Variants in TNFRSF18 observed in about 807,000 individuals in gnomAD.
TNFRSF18 encodes tumor necrosis factor receptor superfamily member 18.
In TNFRSF18, 36 loss-of-function variants were observed where a neutral mutation model predicts 30.2. The ratio of observed to expected loss-of-function variants is 1.19; its 90% CI spans 0.91 to 1.58. The LOEUF is 1.58. Ranked by LOEUF, TNFRSF18 falls within the 40% of genes most tolerant of loss-of-function variation. TNFRSF18 has a pLI of 0.00. For missense variants in TNFRSF18, 369 were observed against 345.4 expected (o/e 1.07, Z -0.54); for synonymous variants, 173 against 158.3 (o/e 1.09, Z -0.70).
chr1:1,205,497 G>T lies in TNFRSF18; in HGVS notation c.188-5C>A, dbSNP rs1225073864. On this transcript the variant is annotated splice_polypyrimidine_tract_variant and splice_region_variant and intron_variant, in intron 1 of 4. Coordinates refer to ENST00000379268, the MANE Select transcript of TNFRSF18 (RefSeq NM_004195.3). ...ACTCGGAACAGCACTCCTCGCCTGG[G>T]CAGGAGACAGGCCAGCCCCCCAGCA... is the stretch of plus-strand genomic sequence containing the variant. The T allele has an allele frequency of 1.2e-6, 2 of 1,610,226 alleles. No individual in the cohort carries two copies. Among genetic ancestry groups the T allele is most frequent in the Admixed American group, 3.3e-5 (2 of 59,824 alleles).
At chr1:1,204,691 GCCCAGTGAGGGCAC>G (rs1487499225) in intron 2 of TNFRSF18, among the ~76,000 whole-genome samples, 2 of 152,198 alleles carry the variant, frequency 1.3e-5, no homozygotes. Flanking sequence ...CTGGGGTGGG[GCCCAGTGAGGGCAC>G]CTGGGGGAGG....
intron 1 of TNFRSF18, 87 bp from the exon 2 acceptor site, chr1:1,205,579 G>A (rs1255427680): frequency 6.9e-7 from 1 of 1,453,640 alleles, no homozygotes; most frequent in African/African-American, 1.4e-5. Context: ...GGGGAGTGAG[G>A]TTGTCCGTTC....
At position 1,206,530 on chromosome 1, in the gene TNFRSF18, G is replaced by A. The variant is rs764403514; in HGVS notation, c.42C>T (p.Cys14=). The change falls in exon 1 of 5, where the codon TGC becomes TGT. Residue 14 remains cysteine, a synonymous_variant. Transcript: ENST00000379268. ...HGAMGAFRAL[C]GLALLCALSL... ...TGAGCGCGCACAGCAGCGCCAGGCCGCACAGGGCCCGAAACGCGCCCATCG... is the reference window on the plus strand; with the variant it reads ...TGAGCGCGCACAGCAGCGCCAGGCCACACAGGGCCCGAAACGCGCCCATCG... The A allele has an allele frequency of 5.1e-5, 78 of 1,531,534 alleles. No homozygotes were observed. The highest frequency in any genetic ancestry group is 8.4e-5 in the Admixed American group (4 of 47,512). The allele number at this position is 1,531,534 out of a possible 1,614,324, so 94.9% of individuals were successfully genotyped here.
intron 2 of TNFRSF18, among the ~76,000 whole-genome samples, chr1:1,204,946 G>A (rs1648741941): frequency 6.6e-6 from 1 of 152,172 alleles, no homozygotes; most frequent in Admixed American, 6.5e-5. Flanking sequence ...GACCTCTCCT[G>A]TCAGGTAAAC....
rs753579304 is a variant in TNFRSF18, at chr1:1,203,673, G to A, written c.*171C>T. The A allele has an allele frequency of 1.7e-5, 27 of 1,547,012 alleles. No homozygotes were observed. The highest frequency in any genetic ancestry group is 2.2e-5 in the Non-Finnish European group (25 of 1,154,238). On this transcript the variant is annotated 3_prime_UTR_variant, in exon 5 of 5. Transcript: ENST00000379268. ...TCTCTCCCTCCTGCAGGGCCCAGCC[G>A]CGGCCGCCGAACTGCATGGTCCAGG... is the stretch of plus-strand genomic sequence containing the variant.
chr1:1,203,806 G>A lies in TNFRSF18; in HGVS notation c.*38C>T. ...GCGGCCTGGGGAGCTCCTGGGGAGGGGCTGGCTGCGGTCGGTGGCCCCGGA... is the reference window on the plus strand; with the variant it reads ...GCGGCCTGGGGAGCTCCTGGGGAGGAGCTGGCTGCGGTCGGTGGCCCCGGA... On this transcript the variant is annotated 3_prime_UTR_variant, in exon 5 of 5. Coordinates refer to ENST00000379268, the MANE Select transcript of TNFRSF18 (RefSeq NM_004195.3). 6.3e-7 allele frequency: 1 copy of A among 1,574,942 alleles called. No homozygotes were observed. Among genetic ancestry groups the A allele is most frequent in the African/African-American group, 1.3e-5 (1 of 74,546 alleles).
At position 1,203,883 on chromosome 1, in the gene TNFRSF18, C is replaced by G. The variant is rs375536617; in HGVS notation, c.687G>C (p.Ser229=). The change falls in exon 5 of 5, where the codon TCG becomes TCC. Residue 229 remains serine, a synonymous_variant. Transcript: ENST00000379268. ...CTCCCAGCCGCCCCTTCTCCTCTGC[C>G]GATCGCTCGCCCCGCTCTTCCTCGG... ...QFPEEERGER[S]AEEKGRLGDL... 11 of 1,603,864 alleles carry G rather than the reference C, an allele frequency of 6.9e-6. No individual in the cohort carries two copies. The highest frequency in any genetic ancestry group is 9.3e-6 in the Non-Finnish European group (11 of 1,178,550).
rs1648632839 is a variant in TNFRSF18 at position 1,203,513 on chromosome 1, G to A, written c.*331C>T. Reference sequence around the variant, plus strand: ...CCAGCATGCATCCACTCAGGTCACTGGACAAGTGTTTATTGAAGGTCCCCT... The same window carrying A: ...CCAGCATGCATCCACTCAGGTCACTAGACAAGTGTTTATTGAAGGTCCCCT... On this transcript the variant is annotated 3_prime_UTR_variant, in exon 5 of 5. Transcript: ENST00000379268. The A allele has an allele frequency of 1.4e-6, 2 of 1,411,090 alleles. No individual in the cohort carries two copies. Among genetic ancestry groups the A allele is most frequent in the Non-Finnish European group, 1.8e-6 (2 of 1,085,400 alleles). 87.4% of individuals were successfully genotyped at this position (1,411,090 alleles called of 1,614,324 possible).
In TNFRSF18 at chr1:1,203,639, C is replaced by A; in HGVS notation, c.*205G>T. 1 of 1,546,884 alleles carries A rather than the reference C, an allele frequency of 6.5e-7. No individual in the cohort carries two copies. Among genetic ancestry groups the A allele is most frequent in the African/African-American group, 1.4e-5 (1 of 73,574 alleles). ...CAGCAAGGGAGGAAGGGGGCCATGA[C>A]TGTGTCTCTCTCTCCCTCCTGCAGG... is the stretch of plus-strand genomic sequence containing the variant. On this transcript the variant is annotated 3_prime_UTR_variant, in exon 5 of 5. Transcript: ENST00000379268.
Position 1,206,446 on chromosome 1 carries a change from C to G in TNFRSF18, c.126G>C (p.Gly42=). ...GGCAGCAGCGCGCGTCCGTTCCCGT[C>G]CCAAGCAGGAGGCGCCCAGGGCCGC... ...PGCGPGRLLL[G]TGTDARCCRV... Residue 42 remains glycine (G), a synonymous_variant, in exon 1 of 5, where the codon GGG becomes GGC. Coordinates refer to ENST00000379268, the MANE Select transcript of TNFRSF18 (RefSeq NM_004195.3). 1 of 1,547,624 alleles carries G rather than the reference C, an allele frequency of 6.5e-7. No homozygotes were observed. The highest frequency in any genetic ancestry group is 8.7e-7 in the Non-Finnish European group (1 of 1,146,266).
intron 1 of TNFRSF18, among the ~76,000 whole-genome samples, chr1:1,205,837 G>A (rs897066206): frequency 3.9e-5 from 6 of 152,210 alleles, no homozygotes; most frequent in Non-Finnish European, 2.9e-5. Context: ...CGCCTGCCTG[G>A]TGTCTGGGCG....
rs1648649523 is a variant in TNFRSF18, at chr1:1,203,750, G to A, written c.*94C>T. The A allele has an allele frequency of 9.6e-6, 15 of 1,560,264 alleles. No homozygotes were observed. The highest frequency in any genetic ancestry group is 1.3e-5 in the Non-Finnish European group (15 of 1,158,848). On this transcript the variant is annotated 3_prime_UTR_variant, in exon 5 of 5. Transcript: ENST00000379268. The stretch of plus-strand genomic sequence containing the variant: ...CCCACTTCTGCTGCCAGGGGAGCAG[G>A]GCCCGGCCCAGAGCAGAACGCAGAG...
chr1:1,205,261 C>T (rs1028640408), intron 2 of TNFRSF18, 109 bp downstream of exon 2: 3 of 1,509,040 alleles, frequency 2.0e-6, no homozygotes, highest in Non-Finnish European at 2.7e-6. Flanking sequence ...GGACTCCGGA[C>T]CCCACACACC....
At position 1,205,357 on chromosome 1, in the gene TNFRSF18, C is replaced by T. The variant is rs939340549; in HGVS notation, c.310+13G>A. On this transcript the variant is annotated intron_variant, in intron 2 of 4. Transcript: ENST00000379268. The stretch of plus-strand genomic sequence containing the variant: ...GGCCTGTGTGGACTCCCAGAGGCAC[C>T]TCCAGGACTTACCCTGGGACTGTAC... 8.1e-6 allele frequency: 13 copies of T among 1,609,574 alleles called. No homozygotes were observed. Among genetic ancestry groups the T allele is most frequent in the African/African-American group, 1.3e-5 (1 of 74,968 alleles).
At chr1:1,204,707 T>C (rs1648728977) in intron 2 of TNFRSF18, among the ~76,000 whole-genome samples, 1 of 151,932 alleles carries the variant, frequency 6.6e-6, no homozygotes, top group Admixed American at 6.5e-5. Flanking sequence ...TGAGGGCACC[T>C]GGGGGAGGTG....
In TNFRSF18 at chr1:1,206,455, G is replaced by A; in HGVS notation, c.117C>T (p.Leu39=). 6.5e-7 allele frequency: 1 copy of A among 1,547,284 alleles called. No individual in the cohort carries two copies. Among genetic ancestry groups the A allele is most frequent in the East Asian group, 2.4e-5 (1 of 40,826 alleles). ...GCGCGTCCGTTCCCGTCCCAAGCAG[G>A]AGGCGCCCAGGGCCGCACCCGGGAC... is the stretch of plus-strand genomic sequence containing the variant. ...TGGPGCGPGR[L]LLGTGTDARC... The change falls in exon 1 of 5, where the codon CTC becomes CTT. Residue 39 remains leucine, a synonymous_variant. Transcript: ENST00000379268.
chr1:1,204,315 G>T (rs776431479), intron 3 of TNFRSF18, 79 bp from the exon 4 acceptor site: 1 of 1,593,290 alleles, frequency 6.3e-7, no homozygotes, highest in East Asian at 2.3e-5. Flanking sequence ...CCTCCGTGCT[G>T]TCTGGGGCAA....
rs764004401 is a variant in TNFRSF18 at position 1,204,131 on chromosome 1, G to A, written c.504C>T (p.Val168=). The change falls in exon 4 of 5, where the codon GTC becomes GTT. Residue 168 remains valine (V), a synonymous_variant. Transcript: ENST00000379268. ...CGCAGGCGGCCACGGCCAGGAGGAC[G>A]ACGGTCAGCCACCCAAGCGGCTCTG... is the stretch of plus-strand genomic sequence containing the variant. ...PPAEPLGWLT[V]VLLAVAACVL... is the part of the protein sequence containing the mutation. 49 of 1,611,638 alleles carry A rather than the reference G, an allele frequency of 3.0e-5. No homozygotes were observed. Among genetic ancestry groups the A allele is most frequent in the Non-Finnish European group, 3.6e-5 (43 of 1,179,570 alleles).
rs549622704 is a variant in TNFRSF18, at chr1:1,205,740, T to C, written c.188-248A>G. The C allele has an allele frequency of 3.1e-4, 159 of 515,876 alleles. 1 individual carries two copies. In the South Asian group the frequency reaches 3.4e-3, roughly 11 times the overall value. The allele number at this position is 515,876 out of a possible 1,614,324, so 32.0% of individuals were successfully genotyped here. A position where few individuals can be genotyped will look rare whatever the true frequency, so the allele number is the denominator to read the frequency against. On this transcript the variant is annotated intron_variant, in intron 1 of 4. Coordinates refer to ENST00000379268, the MANE Select transcript of TNFRSF18 (RefSeq NM_004195.3). ...TGCCCCTGCCCAGGTGCTAACTCCA[T>C]ATGCAACCAGGAGCTGCCCCTGCAG...
Sources: allele counts gnomAD v4.1 joint callset (sites outside exome capture counted in the v4.1 genomes callset), GRCh38; gene constraint gnomAD v4.1.1; transcripts MANE v1.5; gene names NCBI Gene and HGNC (gene_info 2026-07-23, HGNC 2026-07-21).